SORL1: variants seen among roughly 807,000 people sequenced by gnomAD.
SORL1 encodes the protein sortilin related receptor 1.
SORL1 carries 127 observed loss-of-function variants against 273.7 expected under a neutral mutation model. The ratio of observed to expected loss-of-function variants is 0.46; its 90% CI spans 0.40 to 0.54. The LOEUF (loss-of-function observed/expected upper bound fraction) is 0.54. Ranked by LOEUF, SORL1 falls within the 20% of genes least tolerant of loss-of-function variation. The pLI, the probability that SORL1 is intolerant of heterozygous loss-of-function variation, is 0.00. For missense variants in SORL1, 2,494 were observed against 2,846.1 expected (o/e 0.88, Z 2.81); for synonymous variants, 1,031 against 1,067.4 (o/e 0.97, Z 0.66).
Position 121,554,158 on chromosome 11 carries a change from C to G in SORL1, c.2439+49C>G. ...GTGGGAGCTGTGCATCGTGACTGCCCTGTCCTGATAAGCTGCATGCAGAAT... is the reference window on the plus strand; with the variant it reads ...GTGGGAGCTGTGCATCGTGACTGCCGTGTCCTGATAAGCTGCATGCAGAAT... On this transcript the variant is annotated intron_variant, in intron 17 of 47. Transcript: ENST00000260197. This position sits in a 1 kb window ranked among gnomAD's most constrained non-coding sequence, Gnocchi z 4.6. 1 of 1,553,002 alleles carries G rather than the reference C, an allele frequency of 6.4e-7. No individual in the cohort carries two copies. Among genetic ancestry groups the G allele is most frequent in the Non-Finnish European group, 8.8e-7 (1 of 1,133,134 alleles).
chr11:121,498,769 G>A (rs1398288246), intron 6 of SORL1, among the ~76,000 whole-genome samples: 1 of 151,968 alleles, frequency 6.6e-6, no homozygotes, highest in African/African-American at 2.4e-5. Context: ...CCAGCTACTC[G>A]GAAGGCCGAG....
At chr11:121,561,174 A>G (rs1591327720) in intron 21 of SORL1, among the ~76,000 whole-genome samples, 1 of 152,220 alleles carries the variant, frequency 6.6e-6, no homozygotes, top group African/African-American at 2.4e-5. Context: ...AAGTGCTTGT[A>G]TGCATGTGCT....
At chr11:121,576,927 T>C in intron 24 of SORL1, 1 of 1,535,482 alleles carries the variant, frequency 6.5e-7, no homozygotes. Context: ...AAGTTCTACT[T>C]CCTGGCCTCC....
intron 26 of SORL1, among the ~76,000 whole-genome samples, chr11:121,585,607 C>T (rs933711383): frequency 2.6e-5 from 4 of 152,090 alleles, no homozygotes; most frequent in African/African-American, 9.6e-5. Flanking sequence ...GTAGGTTGAT[C>T]TCCTCACCTG....
intron 25 of SORL1, among the ~76,000 whole-genome samples, chr11:121,580,496 A>G (rs928627406): frequency 1.3e-5 from 2 of 149,060 alleles, no homozygotes; most frequent in Non-Finnish European, 3.0e-5. Flanking sequence ...TCTTTTTCAA[A>G]TCTGCCTTTT....
chr11:121,555,484 G>C (rs763390999), intron 18 of SORL1, among the ~76,000 whole-genome samples, 166 bp downstream of exon 18: 5 of 152,180 alleles, frequency 3.3e-5, no homozygotes, highest in Non-Finnish European at 7.3e-5. Context: ...GAGAGAAAAG[G>C]GGGTAAGTAC....
intron 3 of SORL1, 136 bp from the exon 4 acceptor site, chr11:121,487,896 G>A (rs1266859423): frequency 2.5e-6 from 2 of 809,848 alleles, no homozygotes; most frequent in East Asian, 2.5e-5. Context: ...TGGAAGCCCT[G>A]TAAGGCTGTG....
Position 121,534,330 on chromosome 11 carries a change from G to A in SORL1, c.1685+1778G>A, listed in dbSNP as rs151133093. Among the ~76,000 whole-genome samples the A allele has an allele frequency of 3.4e-4, 52 of 152,296 alleles. 1 individual carries two copies. The East Asian group carries it at 8.3e-3, about 24-fold the overall frequency. The stretch of plus-strand genomic sequence containing the variant: ...TAGTCCTCTTACACCATCTGTCGGT[G>A]CATATGTGCTCAGGGAACGCAGCGT... On this transcript the variant is annotated intron_variant, in intron 12 of 47. Transcript: ENST00000260197.
chr11:121,550,762 A>G lies in SORL1; in HGVS notation c.2266+92A>G. 1 of 943,350 alleles carries G rather than the reference A, an allele frequency of 1.1e-6. No homozygotes were observed. The highest frequency in any genetic ancestry group is 1.6e-5 in the South Asian group (1 of 60,674). 58.4% of individuals were successfully genotyped at this position (943,350 alleles called of 1,614,324 possible). A position where few individuals can be genotyped will look rare whatever the true frequency, so the allele number is the denominator to read the frequency against. ...CAAGTCCGGGCTTGTGGCTCCTTTA[A>G]TTGAGTGGAGAAAAACAATGGCCGT... On this transcript the variant is annotated intron_variant, in intron 16 of 47. Transcript: ENST00000260197. The surrounding 1 kb of genome is among the most constrained non-coding windows in gnomAD (Gnocchi z 5.3).
intron 9 of SORL1, among the ~76,000 whole-genome samples, 197 bp from the exon 10 acceptor site, chr11:121,522,389 C>T (rs530764082): frequency 1.1e-4 from 16 of 152,288 alleles, no homozygotes; most frequent in South Asian, 4.1e-4. Flanking sequence ...TCTTCTTCCA[C>T]GGGACATTTA....
chr11:121,467,512 A>G (rs1375390196), intron 1 of SORL1, among the ~76,000 whole-genome samples: 1 of 151,624 alleles, frequency 6.6e-6, no homozygotes, highest in Non-Finnish European at 1.5e-5. Flanking sequence ...AGGACTTTTT[A>G]TCCCAGATCC....
At chr11:121,501,490 A>G (rs1486329785) in intron 6 of SORL1, among the ~76,000 whole-genome samples, 1 of 152,184 alleles carries the variant, frequency 6.6e-6, no homozygotes, top group Non-Finnish European at 1.5e-5. Context: ...GTCCATTTTC[A>G]TACTGCTATG....
intron 25 of SORL1, among the ~76,000 whole-genome samples, chr11:121,578,692 C>T (rs2134939627): frequency 6.6e-6 from 1 of 152,258 alleles, no homozygotes; most frequent in East Asian, 1.9e-4. Context: ...TGGAGGTGAC[C>T]TCATATGGCC....
intron 2 of SORL1, among the ~76,000 whole-genome samples, chr11:121,472,117 C>T (rs1861179393): frequency 6.6e-6 from 1 of 152,062 alleles, no homozygotes. Context: ...TGTACTTCAG[C>T]CTGAGTGACA....
At chr11:121,522,240 C>A (rs2134857443) in intron 9 of SORL1, among the ~76,000 whole-genome samples, 1 of 152,284 alleles carries the variant, frequency 6.6e-6, no homozygotes, top group Non-Finnish European at 1.5e-5. Context: ...CATTTCATTT[C>A]TCTTTAGTTC....
intron 27 of SORL1, among the ~76,000 whole-genome samples, 153 bp downstream of exon 27, chr11:121,586,482 G>A (rs1179486718): frequency 6.6e-6 from 1 of 152,120 alleles, no homozygotes; most frequent in African/African-American, 2.4e-5. Flanking sequence ...GACTCCTGGA[G>A]GCTGATCGTG....
chr11:121,599,606 C>T (rs565672371), intron 32 of SORL1, among the ~76,000 whole-genome samples: 42 of 152,324 alleles, frequency 2.8e-4, no homozygotes, highest in African/African-American at 9.1e-4. Context: ...CCTTGGTTAA[C>T]ATTTCCATAT....
chr11:121,487,419 C>T (rs183197269), intron 3 of SORL1, among the ~76,000 whole-genome samples: 25 of 152,330 alleles, frequency 1.6e-4, no homozygotes, highest in Non-Finnish European at 2.8e-4. Context: ...GGATGAGGCC[C>T]GTGCTCACCA....
Position 121,488,048 on chromosome 11 carries a change from C to G in SORL1, c.545C>G (p.Ala182Gly), listed in dbSNP as rs1328869949. Residue 182 changes from alanine (A) to glycine (G), a missense_variant, in exon 4 of 48, where the codon GCT (alanine) becomes GGT (glycine). Coordinates refer to ENST00000260197, the MANE Select transcript of SORL1 (RefSeq NM_003105.6). Reference protein sequence around the residue: ...ADNKRYIFADAYAQYLWITFD... With the variant: ...ADNKRYIFADGYAQYLWITFD... ...CCCTTGCAGTACATCTTTGCAGACG[C>G]TTATGCCCAGTACCTCTGGATCACG... The G allele has an allele frequency of 1.2e-6, 2 of 1,614,052 alleles. No homozygotes were observed. The highest frequency in any genetic ancestry group is 3.3e-5 in the Admixed American group (2 of 59,994).
Sources: allele counts gnomAD v4.1 joint callset (sites outside exome capture counted in the v4.1 genomes callset), GRCh38; gene constraint gnomAD v4.1.1; non-coding constraint Gnocchi (gnomAD v3.1); transcripts MANE v1.5; gene names NCBI Gene and HGNC (gene_info 2026-07-23, HGNC 2026-07-21).